Variants in OTX2 observed in about 807,000 individuals in gnomAD.
OTX2 encodes homeobox protein OTX2.
Under a neutral mutation model 29.0 loss-of-function variants are expected in OTX2, and 4 were observed. The observed-to-expected ratio is 0.14, with a 90% CI of 0.07 to 0.32. The LOEUF is 0.32. Among genes scored for constraint, OTX2 ranks in the 10% least tolerant of loss-of-function variants. The pLI is 1.00. For missense variants in OTX2, 298 were observed against 365.9 expected (o/e 0.81, Z 1.51); for synonymous variants, 134 against 141.0 (o/e 0.95, Z 0.35).
chr14:56,808,000 C>T, intron 2 of OTX2, among the ~76,000 whole-genome samples: 1 of 151,660 alleles, frequency 6.6e-6, no homozygotes, highest in Admixed American at 6.6e-5. Context: ...GCCCCGCAGC[C>T]CCGCAGCCCC....
At chr14:56,803,453 G>A (rs1003423734) in intron 4 of OTX2, among the ~76,000 whole-genome samples, 9 of 152,148 alleles carry the variant, frequency 5.9e-5, no homozygotes, top group Non-Finnish European at 1.0e-4. Flanking sequence ...GATGTCTGTC[G>A]CTTTCATAAA....
Position 56,801,946 on chromosome 14 carries a change from C to T in OTX2, c.683G>A (p.Ser228Asn), listed in dbSNP as rs1891896167. ...GGTGACTGCATTGGTACCCATGGGA[C>T]TGAGTGTGGCCCCTGGTCCGGGAAG... ...HQLPGPGATL[S>N]PMGTNAVTSH... Residue 228 changes from serine to asparagine, a missense_variant, in exon 5 of 5, where the codon AGT (serine) becomes AAT (asparagine). Ser to Asn is a conservative substitution (Grantham distance 46). Coordinates refer to ENST00000672264, the MANE Select transcript of OTX2 (RefSeq NM_021728.4). This position sits in a 1 kb window ranked among gnomAD's most constrained non-coding sequence, Gnocchi z 4.2. 1 of 1,614,144 alleles carries T rather than the reference C, an allele frequency of 6.2e-7. No individual in the cohort carries two copies. The highest frequency in any genetic ancestry group is 8.5e-7 in the Non-Finnish European group (1 of 1,180,024).
chr14:56,804,826 T>G lies in OTX2; in HGVS notation c.98-463A>C, dbSNP rs1183039076. On this transcript the variant is annotated intron_variant, in intron 3 of 4. Coordinates refer to ENST00000672264, the MANE Select transcript of OTX2 (RefSeq NM_021728.4). This position sits in a 1 kb window ranked among gnomAD's most constrained non-coding sequence, Gnocchi z 4.1. ...GACATAGTTCATACTCCTGGGAGGA[T>G]TTTTAAACATATCTGATTGGAAAGG... Among the ~76,000 whole-genome samples the G allele has an allele frequency of 6.6e-6, 1 of 151,938 alleles. No homozygotes were observed. Among genetic ancestry groups the G allele is most frequent in the East Asian group, 1.9e-4 (1 of 5,136 alleles).
chr14:56,804,434 C>G lies in OTX2; in HGVS notation c.98-71G>C, dbSNP rs574781776. 4.3e-4 allele frequency: 605 copies of G among 1,399,534 alleles called. No individual in the cohort carries two copies. The highest frequency in any genetic ancestry group is 5.7e-4 in the Non-Finnish European group (581 of 1,026,396). The allele number at this position is 1,399,534 out of a possible 1,614,324, so 86.7% of individuals were successfully genotyped here. On this transcript the variant is annotated intron_variant, in intron 3 of 4. Transcript: ENST00000672264. The surrounding 1 kb of genome is among the most constrained non-coding windows in gnomAD (Gnocchi z 4.1). ...GTTCTCCGACGCCCCTGCCCTCCAC[C>G]CCGCAGCAGTCCCCCGTTCCTCACA...
intron 2 of OTX2, among the ~76,000 whole-genome samples, chr14:56,808,695 C>G (rs1030683176): frequency 2.6e-5 from 4 of 152,146 alleles, no homozygotes; most frequent in Non-Finnish European, 5.9e-5. Flanking sequence ...ATCCTGACCC[C>G]GAAGCTCTAG....
At chr14:56,803,112 T>C (rs1891952900) in intron 4 of OTX2, among the ~76,000 whole-genome samples, 1 of 152,226 alleles carries the variant, frequency 6.6e-6, no homozygotes, top group African/African-American at 2.4e-5. Context: ...ACTTACCACT[T>C]CAACCCCCTG....
At chr14:56,807,389 A>G (rs1406104220) in intron 2 of OTX2, among the ~76,000 whole-genome samples, 1 of 152,156 alleles carries the variant, frequency 6.6e-6, no homozygotes, top group Non-Finnish European at 1.5e-5. Flanking sequence ...ACTACCTTGC[A>G]AAATTCTGAA....
chr14:56,802,938 GA>G lies in OTX2; in HGVS notation c.274-584del, dbSNP rs548927913. On this transcript the variant is annotated intron_variant, in intron 4 of 4. Transcript: ENST00000672264. The surrounding 1 kb of genome is among the most constrained non-coding windows in gnomAD (Gnocchi z 4.4). ...ATGATCTTGTTGAAGAAAGAGGTCT[GA>G]AAGCCACTATTTGCTAAAAGCTTCT... 2.5e-3 allele frequency among the ~76,000 whole-genome samples: 380 copies of G among 152,328 alleles called. 1 individual carries two copies. Among genetic ancestry groups the G allele is most frequent in the African/African-American group, 8.7e-3 (361 of 41,570 alleles).
chr14:56,800,481 T>G lies in OTX2; in HGVS notation c.*1254A>C, dbSNP rs1891836313. 6.6e-6 allele frequency: 1 copy of G among 152,200 alleles called. No homozygotes were observed. The highest frequency in any genetic ancestry group is 1.9e-4 in the East Asian group (1 of 5,194). 9.4% of individuals were successfully genotyped at this position (152,200 alleles called of 1,614,324 possible). A position where few individuals can be genotyped will look rare whatever the true frequency, so the allele number is the denominator to read the frequency against. On this transcript the variant is annotated 3_prime_UTR_variant, in exon 5 of 5. Transcript: ENST00000672264. ...AAGCAAGGAAAACAAGATCTTGTTGTTAGGCTCTCCAAACTCAATTTCAGA... is the reference window on the plus strand; with the variant it reads ...AAGCAAGGAAAACAAGATCTTGTTGGTAGGCTCTCCAAACTCAATTTCAGA...
Position 56,802,032 on chromosome 14 carries a change from G to C in OTX2, c.597C>G (p.Gly199=), listed in dbSNP as rs775913832. Residue 199 remains glycine (G), a synonymous_variant, in exon 5 of 5, where the codon GGC becomes GGG. Coordinates refer to ENST00000672264, the MANE Select transcript of OTX2 (RefSeq NM_021728.4). The surrounding 1 kb of genome is among the most constrained non-coding windows in gnomAD (Gnocchi z 4.4). The part of the protein sequence containing the change: ...QASGYSQGYA[G]STSYFGGMDC... ...CCATGCCCCCAAAGTAGGAAGTTGA[G>C]CCAGCATATCCTTGACTATAACCTG... The C allele has an allele frequency of 6.2e-7, 1 of 1,614,182 alleles. No homozygotes were observed. The highest frequency in any genetic ancestry group is 8.5e-7 in the Non-Finnish European group (1 of 1,180,030).
At position 56,800,371 on chromosome 14, in the gene OTX2, C is replaced by T. The variant is rs191986032; in HGVS notation, c.*1364G>A. ...TGTTTTCAGAGATACTCCAATTCTC[C>T]TCCTCCCTCTTAAAAACTTGATATA... On this transcript the variant is annotated 3_prime_UTR_variant, in exon 5 of 5. Coordinates refer to ENST00000672264, the MANE Select transcript of OTX2 (RefSeq NM_021728.4). 3 of 152,118 alleles carry T rather than the reference C, an allele frequency of 2.0e-5. No individual in the cohort carries two copies. The highest frequency in any genetic ancestry group is 4.8e-5 in the African/African-American group (2 of 41,500). The allele number at this position is 152,118 out of a possible 1,614,324, so 9.4% of individuals were successfully genotyped here. A position where few individuals can be genotyped will look rare whatever the true frequency, so the allele number is the denominator to read the frequency against.
At chr14:56,803,468 T>G (rs1488903036) in intron 4 of OTX2, among the ~76,000 whole-genome samples, 2 of 152,236 alleles carry the variant, frequency 1.3e-5, no homozygotes, top group Non-Finnish European at 2.9e-5. Context: ...CATAAACATA[T>G]TCTAGCCGAA....
At position 56,804,088 on chromosome 14, in the gene OTX2, C is replaced by T; in HGVS notation, c.273+100G>A. 2 of 1,377,374 alleles carry T rather than the reference C, an allele frequency of 1.5e-6. No individual in the cohort carries two copies. The highest frequency in any genetic ancestry group is 2.1e-6 in the Non-Finnish European group (2 of 968,154). The allele number at this position is 1,377,374 out of a possible 1,614,324, so 85.3% of individuals were successfully genotyped here. On this transcript the variant is annotated intron_variant, in intron 4 of 4. Coordinates refer to ENST00000672264, the MANE Select transcript of OTX2 (RefSeq NM_021728.4). This position sits in a 1 kb window ranked among gnomAD's most constrained non-coding sequence, Gnocchi z 4.1. ...TTAGTGAGTGAAGGAGAATTTCAAG[C>T]CTTCCTTCAGTCCTCTGAAAGACCT... is the stretch of plus-strand genomic sequence containing the variant.
In OTX2 at chr14:56,804,191, C is replaced by T. The variant is rs747916036; in HGVS notation, c.270G>A (p.Val90=). The T allele has an allele frequency of 1.9e-6, 3 of 1,614,058 alleles. No individual in the cohort carries two copies. The highest frequency in any genetic ancestry group is 2.5e-6 in the Non-Finnish European group (3 of 1,180,036). The change falls in exon 4 of 5, where the codon GTG becomes GTA. Residue 90 remains valine (V), a synonymous_variant. Coordinates refer to ENST00000672264, the MANE Select transcript of OTX2 (RefSeq NM_021728.4). This position sits in a 1 kb window ranked among gnomAD's most constrained non-coding sequence, Gnocchi z 4.1. The part of the protein sequence containing the change: ...ALKINLPESR[V]QVWFKNRRAK... ...GTTCTGCCTGCATCTGCCCTACCTG[C>T]ACCCTCGACTCGGGCAAGTTGATTT... is the stretch of plus-strand genomic sequence containing the variant.
rs187520845 is a variant in OTX2 at position 56,800,174 on chromosome 14, T to C, written c.*1561A>G. 63 of 152,248 alleles carry C rather than the reference T, an allele frequency of 4.1e-4. No individual in the cohort carries two copies. The highest frequency in any genetic ancestry group is 1.4e-3 in the African/African-American group (58 of 41,550). The allele number at this position is 152,248 out of a possible 1,614,324, so 9.4% of individuals were successfully genotyped here. ...GCCTTATGTTCAACTACTGAAATTA[T>C]AGGTTTTAAAACTTTTCTGAAACTC... On this transcript the variant is annotated 3_prime_UTR_variant, in exon 5 of 5. Coordinates refer to ENST00000672264, the MANE Select transcript of OTX2 (RefSeq NM_021728.4).
intron 2 of OTX2, among the ~76,000 whole-genome samples, chr14:56,807,220 C>A (rs550969630): frequency 3.0e-4 from 46 of 152,162 alleles, no homozygotes; most frequent in African/African-American, 1.1e-3. Flanking sequence ...TTTGTATTGT[C>A]TTTTCTTTTC....
At chr14:56,808,675 A>G (rs565060365) in intron 2 of OTX2, among the ~76,000 whole-genome samples, 1 of 152,276 alleles carries the variant, frequency 6.6e-6, no homozygotes, top group African/African-American at 2.4e-5. Context: ...TCCCGAGCTG[A>G]GCAGGAGAAA....
In OTX2 at chr14:56,802,491, A is replaced by C. The variant is rs2139529800; in HGVS notation, c.274-136T>G. The C allele has an allele frequency of 1.0e-6, 1 of 978,230 alleles. No individual in the cohort carries two copies. 60.6% of individuals were successfully genotyped at this position (978,230 alleles called of 1,614,324 possible). A position where few individuals can be genotyped will look rare whatever the true frequency, so the allele number is the denominator to read the frequency against. ...TTTCCCCTGCCACTGAAGACCTATT[A>C]TGTGGTACTCTCATATAAACTCCTG... is the stretch of plus-strand genomic sequence containing the variant. On this transcript the variant is annotated intron_variant, in intron 4 of 4. Transcript: ENST00000672264. The surrounding 1 kb of genome is among the most constrained non-coding windows in gnomAD (Gnocchi z 4.4).
At position 56,804,269 on chromosome 14, in the gene OTX2, C is replaced by G; in HGVS notation, c.192G>C (p.Leu64=). 6.2e-7 allele frequency: 1 copy of G among 1,614,214 alleles called. No homozygotes were observed. Among genetic ancestry groups the G allele is most frequent in the Non-Finnish European group, 8.5e-7 (1 of 1,180,046 alleles). ...TGTCTGGGTACCGGGTCTTGGCAAA[C>G]AGTGCTTCCAGCACATCTAGCTGCG... is the stretch of plus-strand genomic sequence containing the variant. ...TRAQLDVLEA[L]FAKTRYPDIF... Residue 64 remains leucine, a synonymous_variant, in exon 4 of 5, where the codon CTG becomes CTC. Coordinates refer to ENST00000672264, the MANE Select transcript of OTX2 (RefSeq NM_021728.4). The surrounding 1 kb of genome is among the most constrained non-coding windows in gnomAD (Gnocchi z 4.1).
Sources: allele counts gnomAD v4.1 joint callset (sites outside exome capture counted in the v4.1 genomes callset), GRCh38; gene constraint gnomAD v4.1.1; non-coding constraint Gnocchi (gnomAD v3.1); transcripts MANE v1.5; gene names NCBI Gene and HGNC (gene_info 2026-07-23, HGNC 2026-07-21).